The following CLSTN1 variants were observed in gnomAD, a reference collection of about 807,000 sequenced individuals.
CLSTN1 encodes calsyntenin-1.
In CLSTN1, 28 loss-of-function variants were observed where a neutral mutation model predicts 108.3. The ratio of observed to expected loss-of-function variants is 0.26; its 90% CI spans 0.19 to 0.35. The LOEUF (loss-of-function observed/expected upper bound fraction) is 0.35. Among genes scored for constraint, CLSTN1 ranks in the 10% least tolerant of loss-of-function variants. The pLI is 1.00. For missense variants in CLSTN1, 1,157 were observed against 1,302.6 expected (o/e 0.89, Z 1.72); for synonymous variants, 524 against 534.9 (o/e 0.98, Z 0.28).
At chr1:9,732,146 C>T (rs556579277) in intron 16 of CLSTN1, among the ~76,000 whole-genome samples, 1 of 152,298 alleles carries the variant, frequency 6.6e-6, no homozygotes, top group East Asian at 1.9e-4. Context: ...ACTGCTATAA[C>T]AATCTAATAT....
At chr1:9,780,885 G>A (rs116269492) in intron 1 of CLSTN1, 167 of 312,322 alleles carry the variant, frequency 5.3e-4, no homozygotes, top group Non-Finnish European at 8.1e-4. Flanking sequence ...CAAATGCGGT[G>A]CGGGAGACCA....
intron 1 of CLSTN1, among the ~76,000 whole-genome samples, chr1:9,818,821 C>T (rs1655084810): frequency 8.7e-6 from 1 of 114,544 alleles, no homozygotes; most frequent in Non-Finnish European, 1.6e-5. Context: ...GAGTCTCACT[C>T]TGTCGCCCAG....
chr1:9,741,300 T>A, intron 9 of CLSTN1, 44 bp from the exon 10 acceptor site: 1 of 1,560,846 alleles, frequency 6.4e-7, no homozygotes, highest in East Asian at 2.3e-5. Flanking sequence ...ATGTCCACTT[T>A]CCTTCTCATC....
intron 1 of CLSTN1, among the ~76,000 whole-genome samples, chr1:9,790,238 T>C (rs1653700294): frequency 6.6e-6 from 1 of 151,416 alleles, no homozygotes; most frequent in Non-Finnish European, 1.5e-5. Context: ...ATGTCGCCAA[T>C]TCTTTTTTCA....
chr1:9,776,131 C>G (rs1480088601), intron 1 of CLSTN1, among the ~76,000 whole-genome samples: 1 of 152,098 alleles, frequency 6.6e-6, no homozygotes. Context: ...CACCACCACG[C>G]TCAGTTTCTG....
At chr1:9,815,930 T>C (rs1475309128) in intron 1 of CLSTN1, among the ~76,000 whole-genome samples, 1 of 152,082 alleles carries the variant, frequency 6.6e-6, no homozygotes, top group African/African-American at 2.4e-5. Flanking sequence ...AGTGAGACTC[T>C]ACCTCAAAAA....
rs1202830743 is a variant in CLSTN1 at position 9,823,264 on chromosome 1, T to C, written c.91+379A>G. On this transcript the variant is annotated intron_variant, in intron 1 of 18. Transcript: ENST00000377298. The surrounding 1 kb of genome is among the most constrained non-coding windows in gnomAD (Gnocchi z 6.3). ...TGCAGCCCCAGCCTGCGTGCGCCGC[T>C]GAGCAGGGCGGACTGACCCTTCGGC... Among the ~76,000 whole-genome samples, 2 of 152,162 alleles carry C rather than the reference T, an allele frequency of 1.3e-5. No homozygotes were observed. Among genetic ancestry groups the C allele is most frequent in the Admixed American group, 6.5e-5 (1 of 15,276 alleles).
At chr1:9,756,612 C>A (rs1214503181) in intron 2 of CLSTN1, 102 bp from the exon 3 acceptor site, 9 of 929,942 alleles carry the variant, frequency 9.7e-6, no homozygotes, top group African/African-American at 1.7e-5. Flanking sequence ...CACATTTCCA[C>A]ACCAAGCTCA....
rs1056626604 is a variant in CLSTN1, at chr1:9,730,342, G to A, written c.*166C>T. 3.3e-5 allele frequency: 23 copies of A among 688,078 alleles called. No individual in the cohort carries two copies. Among genetic ancestry groups the A allele is most frequent in the African/African-American group, 1.1e-4 (6 of 56,586 alleles). The allele number at this position is 688,078 out of a possible 1,614,324, so 42.6% of individuals were successfully genotyped here. ...GAGCGCGACCAGGCAGAGGGTGGGCGGGGAGCCTAGGGTCCTACACACCAA... is the reference window on the plus strand; with the variant it reads ...GAGCGCGACCAGGCAGAGGGTGGGCAGGGAGCCTAGGGTCCTACACACCAA... On this transcript the variant is annotated 3_prime_UTR_variant, in exon 19 of 19. Transcript: ENST00000377298. This position sits in a 1 kb window ranked among gnomAD's most constrained non-coding sequence, Gnocchi z 5.6.
chr1:9,809,041 T>C (rs752194498), intron 1 of CLSTN1, among the ~76,000 whole-genome samples: 14 of 152,132 alleles, frequency 9.2e-5, no homozygotes, highest in Non-Finnish European at 1.9e-4. Flanking sequence ...GGCTTCACTG[T>C]CCACCAGAGT....
At chr1:9,803,809 A>T (rs1654388863) in intron 1 of CLSTN1, among the ~76,000 whole-genome samples, 1 of 152,142 alleles carries the variant, frequency 6.6e-6, no homozygotes, top group Non-Finnish European at 1.5e-5. Flanking sequence ...CTTAAAAAAA[A>T]TTAAATAAAA....
At chr1:9,731,029 C>A in intron 18 of CLSTN1, 177 bp downstream of exon 18, 1 of 727,118 alleles carries the variant, frequency 1.4e-6, no homozygotes, top group Admixed American at 2.5e-5. Context: ...GCAGAACGGC[C>A]TTGAATAAGG....
intron 1 of CLSTN1, among the ~76,000 whole-genome samples, chr1:9,816,703 A>G (rs1320188017): frequency 6.6e-6 from 1 of 151,886 alleles, no homozygotes; most frequent in Non-Finnish European, 1.5e-5. Flanking sequence ...CTGGAGTGCA[A>G]TGGTGTGATC....
chr1:9,758,757 T>G (rs1651935714), intron 2 of CLSTN1, among the ~76,000 whole-genome samples: 1 of 150,386 alleles, frequency 6.6e-6, no homozygotes. Flanking sequence ...AAACATTGCC[T>G]GGCGGAAAGA....
intron 1 of CLSTN1, among the ~76,000 whole-genome samples, chr1:9,789,087 C>T (rs1653640384): frequency 6.6e-6 from 1 of 151,456 alleles, no homozygotes; most frequent in African/African-American, 2.4e-5. Flanking sequence ...TTAACAGACG[C>T]TGGGTTGCTT....
At chr1:9,748,024 A>G (rs1048380909) in intron 7 of CLSTN1, among the ~76,000 whole-genome samples, 36 of 151,236 alleles carry the variant, frequency 2.4e-4, no homozygotes, top group African/African-American at 8.8e-4. Flanking sequence ...AGCCTGGGTG[A>G]CAGAGTGAGA....
chr1:9,806,033 T>G (rs1021129013), intron 1 of CLSTN1, among the ~76,000 whole-genome samples: 2 of 151,870 alleles, frequency 1.3e-5, no homozygotes, highest in African/African-American at 4.8e-5. Flanking sequence ...CTCAAGCCTG[T>G]AATCTTAACA....
At position 9,731,830 on chromosome 1, in the gene CLSTN1, C is replaced by A; in HGVS notation, c.2494G>T (p.Val832Leu). The stretch of plus-strand genomic sequence containing the variant: ...ACAAAGGAGCGGTGTTCCGGGTGCA[C>A]GAACTGTGGCTGGGCAGCCATGTGG... Reference protein sequence around the residue: ...ANHMAAQPQFVHPEHRSFVDL... With the variant: ...ANHMAAQPQFLHPEHRSFVDL... The change falls in exon 17 of 19, where the codon GTG (valine) becomes TTG (leucine). Residue 832 changes from valine to leucine, a missense_variant. Coordinates refer to ENST00000377298, the MANE Select transcript of CLSTN1 (RefSeq NM_001009566.3). 6.2e-7 allele frequency: 1 copy of A among 1,614,138 alleles called. No individual in the cohort carries two copies. Among genetic ancestry groups the A allele is most frequent in the Non-Finnish European group, 8.5e-7 (1 of 1,180,028 alleles).
At chr1:9,762,186 G>A (rs1033867324) in intron 2 of CLSTN1, among the ~76,000 whole-genome samples, 3 of 152,212 alleles carry the variant, frequency 2.0e-5, no homozygotes, top group Non-Finnish European at 2.9e-5. Context: ...AATGGGCCGG[G>A]TGTGGTGGCC....
Sources: allele counts gnomAD v4.1 joint callset (sites outside exome capture counted in the v4.1 genomes callset), GRCh38; gene constraint gnomAD v4.1.1; non-coding constraint Gnocchi (gnomAD v3.1); transcripts MANE v1.5; gene names NCBI Gene and HGNC (gene_info 2026-07-23, HGNC 2026-07-21).